KRT7: variants seen among roughly 807,000 people sequenced by gnomAD.
The protein encoded by KRT7 is keratin 7.
In KRT7, 50 loss-of-function variants were observed where a neutral mutation model predicts 42.8. That is an observed-to-expected ratio of 1.17 (90% CI 0.93 to 1.48). The LOEUF is 1.48. KRT7 is among the 40% of genes most tolerant of loss of function. The probability of loss-of-function intolerance (pLI) is 0.00; values close to 1 mark genes in which losing one functional copy is unlikely to be tolerated. For missense variants in KRT7, 588 were observed against 637.6 expected (o/e 0.92, Z 0.84); for synonymous variants, 268 against 266.3 (o/e 1.01, Z -0.06).
Position 52,239,888 on chromosome 12 carries a change from C to T in KRT7, c.693+1113C>T, listed in dbSNP as rs75613143. Among the ~76,000 whole-genome samples, 270 of 152,316 alleles carry T rather than the reference C, an allele frequency of 1.8e-3. 5 individuals carry two copies. The East Asian group carries it at 0.047, about 26-fold the overall frequency. On this transcript the variant is annotated intron_variant, in intron 4 of 8. Coordinates refer to ENST00000331817, the MANE Select transcript of KRT7 (RefSeq NM_005556.4). ...GGGGATTTAAAAATCTCTCCACTCT[C>T]ATCAGTGTGAGTCTCTGGCCTTAGG...
chr12:52,237,671 G>A (rs1942030630), intron 3 of KRT7, 102 bp downstream of exon 3: 1 of 876,028 alleles, frequency 1.1e-6, no homozygotes, highest in Admixed American at 2.3e-5. Context: ...TCTGGCCAAG[G>A]CCTGCCTGAG....
chr12:52,236,205 C>G (rs1026902487), intron 2 of KRT7, among the ~76,000 whole-genome samples: 2 of 150,876 alleles, frequency 1.3e-5, no homozygotes, highest in Non-Finnish European at 3.0e-5. Flanking sequence ...GTGCCCCCCC[C>G]CAACACTCCC....
chr12:52,243,317 C>CT, intron 6 of KRT7, 180 bp downstream of exon 6: 1 of 694,100 alleles, frequency 1.4e-6, no homozygotes, highest in Non-Finnish European at 2.3e-6. Flanking sequence ...CTGGCATGGG[C>CT]TGATGGGAGA....
At chr12:52,238,435 C>T (rs1414220789) in intron 3 of KRT7, among the ~76,000 whole-genome samples, 1 of 152,130 alleles carries the variant, frequency 6.6e-6, no homozygotes, top group Non-Finnish European at 1.5e-5. Flanking sequence ...AGGAACTGGT[C>T]AAGTGCTAGG....
intron 4 of KRT7, 149 bp from the exon 5 acceptor site, chr12:52,241,323 T>A (rs548128229): frequency 2.5e-5 from 15 of 590,354 alleles, no homozygotes; most frequent in African/African-American, 2.1e-4. Flanking sequence ...TAACTTAATG[T>A]GTGCTGGGTC....
downstream of KRT7, among the ~76,000 whole-genome samples, chr12:52,254,529 T>C (rs1942313810): frequency 6.6e-6 from 1 of 152,150 alleles, no homozygotes; most frequent in Non-Finnish European, 1.5e-5. Flanking sequence ...AAGCCCCTTA[T>C]ACAGTTAGTA....
downstream of KRT7, among the ~76,000 whole-genome samples, chr12:52,253,976 C>T (rs887055350): frequency 1.3e-5 from 2 of 152,144 alleles, no homozygotes; most frequent in Non-Finnish European, 2.9e-5. Flanking sequence ...GGTAGAGAGT[C>T]CATGTCTGAG....
chr12:52,249,735 C>T (rs934362974), downstream of KRT7, among the ~76,000 whole-genome samples: 1 of 152,036 alleles, frequency 6.6e-6, no homozygotes, highest in Non-Finnish European at 1.5e-5. Context: ...ACAGGGAGGT[C>T]TCTGTGTCTG....
At chr12:52,237,473 A>T in intron 2 of KRT7, 36 bp from the exon 3 acceptor site, 2 of 1,527,042 alleles carry the variant, frequency 1.3e-6, no homozygotes, top group Non-Finnish European at 1.8e-6. Flanking sequence ...GCATGGAGGC[A>T]AAGCTGCATC....
chr12:52,250,620 C>A, downstream of KRT7: 1 of 961,316 alleles, frequency 1.0e-6, no homozygotes, highest in Admixed American at 2.0e-5. Context: ...GCATAAGACC[C>A]CGCCGCGAGA....
At chr12:52,234,632 C>G (rs1164398353) in intron 1 of KRT7, among the ~76,000 whole-genome samples, 1 of 152,132 alleles carries the variant, frequency 6.6e-6, no homozygotes, top group Non-Finnish European at 1.5e-5. Context: ...TTGCAGAGGC[C>G]TCTATTGCCT....
downstream of KRT7, chr12:52,249,344 C>T (rs1942229076): frequency 1.3e-5 from 2 of 152,346 alleles, no homozygotes; most frequent in South Asian, 2.1e-4. Flanking sequence ...CGTCCTCAGC[C>T]CTTCCTGGTG....
At position 52,237,498 on chromosome 12, in the gene KRT7, C is replaced by T. The variant is rs757338329; in HGVS notation, c.537-11C>T. On this transcript the variant is annotated splice_polypyrimidine_tract_variant and intron_variant, in intron 2 of 8. Transcript: ENST00000331817. ...AAAGCTGCATCAACACCAGGCCCTC[C>T]TCTACTGTAGGTACGAAGATGAAAT... 52 of 1,604,028 alleles carry T rather than the reference C, an allele frequency of 3.2e-5. No individual in the cohort carries two copies. In the South Asian group the frequency reaches 5.8e-4, roughly 18 times the overall value.
rs1174523323 is a variant in KRT7 at position 52,235,372 on chromosome 12, GC to G, written c.536+11del. 1.9e-6 allele frequency: 3 copies of G among 1,598,718 alleles called. No homozygotes were observed. Among genetic ancestry groups the G allele is most frequent in the Non-Finnish European group, 1.7e-6 (2 of 1,171,226 alleles). On this transcript the variant is annotated splice_region_variant and intron_variant, in intron 2 of 8. Transcript: ENST00000331817. ...GTGGAGGACTTCAAGAATAAGTAAT[GC>G]CCCCTGTGCCACATGCGAAGACCCC...
At chr12:52,253,673 A>T, downstream of KRT7, 1 of 1,471,156 alleles carries the variant, frequency 6.8e-7, no homozygotes, top group South Asian at 1.1e-5. Flanking sequence ...CTTTGATCTC[A>T]GTGATGACAC....
At chr12:52,252,456 G>A (rs756561143), downstream of KRT7, 23 of 1,614,044 alleles carry the variant, frequency 1.4e-5, no homozygotes, top group Admixed American at 5.0e-5. Context: ...CTCAGACTGG[G>A]CCACCGCGGC....
chr12:52,234,125 G>GGC (rs1941971754), intron 1 of KRT7, among the ~76,000 whole-genome samples: 1 of 131,946 alleles, frequency 7.6e-6, no homozygotes, highest in Admixed American at 7.2e-5. Flanking sequence ...GTGGGGCGGG[G>GGC]GAGGGGGGGG....
intron 5 of KRT7, among the ~76,000 whole-genome samples, chr12:52,242,315 G>A (rs898259086): frequency 2.0e-5 from 3 of 152,296 alleles, no homozygotes; most frequent in African/African-American, 7.2e-5. Context: ...GCACAGAGAG[G>A]TTAAGTAATT....
downstream of KRT7, chr12:52,250,739 C>G (rs1377180396): frequency 6.7e-6 from 3 of 444,756 alleles, no homozygotes; most frequent in Non-Finnish European, 1.3e-5. Flanking sequence ...CCCTCAAACC[C>G]TCACATGGGC....
Sources: allele counts gnomAD v4.1 joint callset (sites outside exome capture counted in the v4.1 genomes callset), GRCh38; gene constraint gnomAD v4.1.1; transcripts MANE v1.5; gene names NCBI Gene and HGNC (gene_info 2026-07-23, HGNC 2026-07-21).